SPTAN1: variants seen among roughly 807,000 people sequenced by gnomAD.
SPTAN1 encodes the protein spectrin alpha, non-erythrocytic 1.
SPTAN1 carries 61 observed loss-of-function variants against 331.3 expected under a neutral mutation model. That is an observed-to-expected ratio of 0.18 (90% CI 0.15 to 0.23). SPTAN1 has a LOEUF of 0.23. Ranked by LOEUF, SPTAN1 falls within the 10% of genes least tolerant of loss-of-function variation. SPTAN1 has a pLI of 1.00. For missense variants in SPTAN1, 2,043 were observed against 3,147.9 expected (o/e 0.65, Z 8.40); for synonymous variants, 1,153 against 1,173.9 (o/e 0.98, Z 0.36).
chr9:128,594,035 C>G (rs1017905602), intron 23 of SPTAN1, 140 bp from the exon 24 acceptor site: 67 of 793,592 alleles, frequency 8.4e-5, no homozygotes, highest in Middle Eastern at 3.4e-4. Flanking sequence ...CATCTGATAA[C>G]TCTGTTACTA....
chr9:128,623,803 C>T (rs777926067), intron 45 of SPTAN1, among the ~76,000 whole-genome samples: 5 of 151,706 alleles, frequency 3.3e-5, no homozygotes, highest in African/African-American at 7.2e-5. Context: ...TTCCTTGGAC[C>T]GGCTGGGCAC....
chr9:128,564,023 A>G (rs766883905), intron 1 of SPTAN1, among the ~76,000 whole-genome samples: 2 of 152,094 alleles, frequency 1.3e-5, no homozygotes, highest in Non-Finnish European at 2.9e-5. Flanking sequence ...CTGTAATCTT[A>G]GCACTTTGGA....
In SPTAN1 at chr9:128,582,992, C is replaced by T. The variant is rs1852139286; in HGVS notation, c.1807-85C>T. ...TAAGCCAACTGTTTTATACATTCCT[C>T]CATAAAGATAAGTATGAAGGTAGTG... is the stretch of plus-strand genomic sequence containing the variant. On this transcript the variant is annotated intron_variant, in intron 14 of 56. Coordinates refer to ENST00000372739, the MANE Select transcript of SPTAN1 (RefSeq NM_001130438.3). The T allele has an allele frequency of 7.7e-6, 12 of 1,562,416 alleles. No individual in the cohort carries two copies. The Admixed American group carries it at 2.0e-4, about 26-fold the overall frequency.
At chr9:128,603,039 A>T (rs1479109247) in intron 27 of SPTAN1, among the ~76,000 whole-genome samples, 1 of 151,966 alleles carries the variant, frequency 6.6e-6, no homozygotes, top group Non-Finnish European at 1.5e-5. Flanking sequence ...TCACTGCTTT[A>T]TTTTTTCCCT....
chr9:128,616,417 G>A (rs1857175048), intron 41 of SPTAN1, among the ~76,000 whole-genome samples: 2 of 151,412 alleles, frequency 1.3e-5, no homozygotes, highest in South Asian at 2.1e-4. Context: ...GAGCCACTGC[G>A]CCTGGTCGGA....
chr9:128,580,463 ATAGAG>A (rs1851811117), intron 10 of SPTAN1, among the ~76,000 whole-genome samples: 1 of 152,032 alleles, frequency 6.6e-6, no homozygotes, highest in African/African-American at 2.4e-5. Context: ...TTAGTATTAC[ATAGAG>A]TAAAGACATT....
Position 128,626,450 on chromosome 9 carries a change from A to C in SPTAN1, c.6339A>C (p.Glu2113Asp). Residue 2113 changes from glutamate to aspartate, a missense_variant, in exon 49 of 57, where the codon GAA becomes GAC. Physicochemically the swap from Glu to Asp is conservative, Grantham distance 45 (BLOSUM62 2). Around this residue, in one of 12 missense-constraint regions of SPTAN1, gnomAD observed 256 missense variants for 376.4 expected, o/e 0.68. Coordinates refer to ENST00000372739, the MANE Select transcript of SPTAN1 (RefSeq NM_001130438.3). Reference sequence around the variant, plus strand: ...CTTCTGCCTTCAACAGCTGGTTTGAAAATGCAGAGGAGGACTTAACAGACC... The same window carrying C: ...CTTCTGCCTTCAACAGCTGGTTTGACAATGCAGAGGAGGACTTAACAGACC... ...KKASAFNSWF[E>D]NAEEDLTDPV... 1 of 1,614,180 alleles carries C rather than the reference A, an allele frequency of 6.2e-7. No individual in the cohort carries two copies. The highest frequency in any genetic ancestry group is 8.5e-7 in the Non-Finnish European group (1 of 1,180,034).
In SPTAN1 at chr9:128,579,645, T is replaced by G; in HGVS notation, c.1230T>G (p.Ile410Met). The change falls in exon 10 of 57, where the codon ATT becomes ATG. Residue 410 changes from isoleucine to methionine, a missense_variant. Physicochemically the swap from Ile to Met is conservative, Grantham distance 10. This residue lies in a region of SPTAN1 where 1,038 missense variants were observed against 1,531.5 expected (regional missense o/e 0.68). Transcript: ENST00000372739. ...LDRHQEHKGE[I>M]DAHEDSFKSA... ...GTTTTTTTCTCCTGTAGGGTGAAAT[T>G]GATGCCCATGAAGACAGCTTCAAAT... 1 of 1,613,998 alleles carries G rather than the reference T, an allele frequency of 6.2e-7. No individual in the cohort carries two copies. The highest frequency in any genetic ancestry group is 8.5e-7 in the Non-Finnish European group (1 of 1,179,894).
Position 128,617,691 on chromosome 9 carries a change from C to A in SPTAN1, c.5409C>A (p.Gly1803=). The change falls in exon 42 of 57, where the codon GGC becomes GGA. Residue 1803 remains glycine, a synonymous_variant. Coordinates refer to ENST00000372739, the MANE Select transcript of SPTAN1 (RefSeq NM_001130438.3). Reference sequence around the variant, plus strand: ...AGGACTACGGCCGGGACCTAACCGGCGTGCAGAACCTGAGGAAGAAGCACA... The same window carrying A: ...AGGACTACGGCCGGGACCTAACCGGAGTGCAGAACCTGAGGAAGAAGCACA... The part of the protein sequence containing the change: ...GSEDYGRDLT[G]VQNLRKKHKR... The A allele has an allele frequency of 1.2e-6, 2 of 1,614,072 alleles. No individual in the cohort carries two copies. The highest frequency in any genetic ancestry group is 1.7e-6 in the Non-Finnish European group (2 of 1,179,982).
Position 128,633,626 on chromosome 9 carries a change from T to C in SPTAN1, c.*292T>C, listed in dbSNP as rs1218341110. The C allele has an allele frequency of 5.4e-6, 7 of 1,307,388 alleles. No homozygotes were observed. Among genetic ancestry groups the C allele is most frequent in the Non-Finnish European group, 7.4e-6 (7 of 948,242 alleles). 81.0% of individuals were successfully genotyped at this position (1,307,388 alleles called of 1,614,324 possible). ...CTCCCACCCTCCCCCAAATCTGTTT[T>C]CATGTAAAAGACAAATAAATGATGA... On this transcript the variant is annotated 3_prime_UTR_variant, in exon 57 of 57. Coordinates refer to ENST00000372739, the MANE Select transcript of SPTAN1 (RefSeq NM_001130438.3).
At position 128,593,019 on chromosome 9, in the gene SPTAN1, G is replaced by C; in HGVS notation, c.3192G>C (p.Leu1064=). 1 of 1,610,464 alleles carries C rather than the reference G, an allele frequency of 6.2e-7. No homozygotes were observed. Among genetic ancestry groups the C allele is most frequent in the Non-Finnish European group, 8.5e-7 (1 of 1,178,238 alleles). Residue 1064 remains leucine (L), a synonymous_variant, in exon 23 of 57, where the codon CTG becomes CTC. Transcript: ENST00000372739. ...CTAAGGAGGCCGGCAGTGTATCTCT[G>C]CGTATGAAGCAGGTGGAAGAACTGT... The part of the protein sequence containing the change: ...RITKEAGSVS[L]RMKQVEELYH...
In SPTAN1 at chr9:128,591,724, C is replaced by A. The variant is rs1853559373; in HGVS notation, c.3155+99C>A. 2.7e-6 allele frequency: 4 copies of A among 1,482,444 alleles called. No individual in the cohort carries two copies. The South Asian group carries it at 4.8e-5, about 18-fold the overall frequency. 91.8% of individuals were successfully genotyped at this position (1,482,444 alleles called of 1,614,324 possible). A position where few individuals can be genotyped will look rare whatever the true frequency, so the allele number is the denominator to read the frequency against. On this transcript the variant is annotated intron_variant, in intron 22 of 56. Transcript: ENST00000372739. ...AGGCGTGTCCTGAGGCTCCTGGAGCCCACCTGCACGCCTCCTGCTGTCTCC... is the reference window on the plus strand; with the variant it reads ...AGGCGTGTCCTGAGGCTCCTGGAGCACACCTGCACGCCTCCTGCTGTCTCC...
intron 12 of SPTAN1, 23 bp from the exon 13 acceptor site, chr9:128,582,453 TGAA>T (rs1852061125): frequency 6.2e-7 from 1 of 1,609,826 alleles, no homozygotes; most frequent in Non-Finnish European, 8.5e-7. Context: ...TGCTTACCAA[TGAA>T]GAACTCTTAT....
chr9:128,619,268 A>G (rs1857556714), intron 44 of SPTAN1, among the ~76,000 whole-genome samples: 1 of 152,188 alleles, frequency 6.6e-6, no homozygotes. Flanking sequence ...TTGAGTCTTC[A>G]TATCAGTTTC....
intron 20 of SPTAN1, among the ~76,000 whole-genome samples, chr9:128,588,330 A>G (rs1379706089): frequency 1.6e-3 from 15 of 9,644 alleles, no homozygotes; most frequent in Non-Finnish European, 3.1e-3. Context: ...TTTTTTTTTG[A>G]GATGGAGTTT....
chr9:128,621,452 G>A (rs1220224342), intron 45 of SPTAN1, among the ~76,000 whole-genome samples, 196 bp downstream of exon 45: 1 of 152,138 alleles, frequency 6.6e-6, no homozygotes, highest in Admixed American at 6.5e-5. Context: ...AAGTTATTCT[G>A]CAGTGCTTAT....
chr9:128,574,578 G>C, intron 3 of SPTAN1, 97 bp from the exon 4 acceptor site: 4 of 1,365,940 alleles, frequency 2.9e-6, no homozygotes, highest in Non-Finnish European at 4.2e-6. Flanking sequence ...TTTATTCAGC[G>C]CTCCATAAGG....
At chr9:128,585,644 C>G (rs1406388371) in intron 18 of SPTAN1, 104 bp from the exon 19 acceptor site, 1 of 957,426 alleles carries the variant, frequency 1.0e-6, no homozygotes, top group East Asian at 2.4e-5. Context: ...CTCACCAAAA[C>G]ATAGTAATGA....
rs1257414255 is a variant in SPTAN1, at chr9:128,632,666, G to A, written c.7108G>A (p.Gly2370Arg). The A allele has an allele frequency of 6.2e-7, 1 of 1,614,042 alleles. No homozygotes were observed. Among genetic ancestry groups the A allele is most frequent in the East Asian group, 2.2e-5 (1 of 44,876 alleles). Residue 2370 changes from glycine to arginine, a missense_variant, in exon 55 of 57, where the codon GGG becomes AGG. Transcript: ENST00000372739. ...CTATGACCTGCCCATGGTGGAGGAA[G>A]GGGAACCTGACCCTGAGTTCGAGGC... Reference protein sequence around the residue: ...LGYDLPMVEEGEPDPEFEAIL... With the variant: ...LGYDLPMVEEREPDPEFEAIL...
Sources: allele counts gnomAD v4.1 joint callset (sites outside exome capture counted in the v4.1 genomes callset), GRCh38; gene constraint gnomAD v4.1.1; regional missense constraint gnomAD v4.1.1; transcripts MANE v1.5; gene names NCBI Gene and HGNC (gene_info 2026-07-23, HGNC 2026-07-21).